RIC1: variants seen among roughly 807,000 people sequenced by gnomAD.
The protein encoded by RIC1 is RIC1 partner of RAB6A GEF complex.
In RIC1, 88 loss-of-function variants were observed where a neutral mutation model predicts 169.0. The ratio of observed to expected loss-of-function variants is 0.52; its 90% CI spans 0.44 to 0.62. The LOEUF (loss-of-function observed/expected upper bound fraction) is 0.62. Ranked by LOEUF, RIC1 falls within the 20% of genes least tolerant of loss-of-function variation. The pLI is 0.00. For synonymous variants in RIC1, 790 were observed against 601.5 expected (o/e 1.31, Z -4.59); for missense variants, 1,877 against 1,725.5 (o/e 1.09, Z -1.56).
intron 3 of RIC1, among the ~76,000 whole-genome samples, chr9:5,707,729 T>A (rs1822681513): frequency 6.6e-6 from 1 of 152,090 alleles, no homozygotes; most frequent in Non-Finnish European, 1.5e-5. Context: ...TGGAATATAT[T>A]TTTCCTTCCT....
At chr9:5,703,160 T>A (rs113200663) in intron 3 of RIC1, among the ~76,000 whole-genome samples, 4 of 152,258 alleles carry the variant, frequency 2.6e-5, no homozygotes, top group African/African-American at 9.6e-5. Context: ...AAAACTAGTC[T>A]CTTCTGCCTA....
chr9:5,714,381 C>T (rs1368908423), intron 4 of RIC1, among the ~76,000 whole-genome samples: 1 of 152,122 alleles, frequency 6.6e-6, no homozygotes, highest in Non-Finnish European at 1.5e-5. Flanking sequence ...AGTTTATATA[C>T]ACTTGGAAGA....
At chr9:5,682,983 C>T (rs554749174) in intron 2 of RIC1, among the ~76,000 whole-genome samples, 1 of 152,302 alleles carries the variant, frequency 6.6e-6, no homozygotes, top group Admixed American at 6.5e-5. Context: ...GCATTCGTCA[C>T]GTAGTTCTCG....
chr9:5,760,006 C>T (rs1826233308), intron 17 of RIC1, among the ~76,000 whole-genome samples: 2 of 152,146 alleles, frequency 1.3e-5, no homozygotes, highest in Non-Finnish European at 2.9e-5. Flanking sequence ...AGAGAAGGTG[C>T]TTAATTTGGC....
At chr9:5,666,296 A>G (rs757158944) in intron 2 of RIC1, among the ~76,000 whole-genome samples, 10 of 151,938 alleles carry the variant, frequency 6.6e-5, no homozygotes, top group African/African-American at 9.7e-5. Context: ...TTTATATCCT[A>G]CGACTTTGCT....
intron 2 of RIC1, among the ~76,000 whole-genome samples, chr9:5,681,606 G>A (rs1230367069): frequency 6.6e-6 from 1 of 152,182 alleles, no homozygotes; most frequent in Non-Finnish European, 1.5e-5. Context: ...TTGCTGAAAA[G>A]AATGTATATT....
At chr9:5,723,800 A>G (rs1028372150) in intron 6 of RIC1, among the ~76,000 whole-genome samples, 20 of 152,188 alleles carry the variant, frequency 1.3e-4, no homozygotes, top group African/African-American at 4.8e-4. Context: ...TACCAGCACC[A>G]TTTATTAAAT....
intron 9 of RIC1, 64 bp from the exon 10 acceptor site, chr9:5,743,625 A>G: frequency 7.8e-7 from 1 of 1,282,238 alleles, no homozygotes; most frequent in Non-Finnish European, 1.1e-6. Flanking sequence ...AAAAAACACT[A>G]AATTTTATGT....
chr9:5,760,442 TGTG>T (rs1191523627), intron 17 of RIC1, among the ~76,000 whole-genome samples: 2 of 152,206 alleles, frequency 1.3e-5, no homozygotes, highest in African/African-American at 2.4e-5. Flanking sequence ...TAGTATGAAA[TGTG>T]GTGAAATCTA....
downstream of RIC1, among the ~76,000 whole-genome samples, chr9:5,778,085 CATGAG>C (rs1324802988): frequency 1.3e-5 from 2 of 152,156 alleles, no homozygotes; most frequent in Non-Finnish European, 2.9e-5. Context: ...AGTCCATGAA[CATGAG>C]ATGTCTTTCC....
intron 2 of RIC1, among the ~76,000 whole-genome samples, chr9:5,679,791 G>C (rs1412193943): frequency 1.3e-5 from 2 of 152,198 alleles, no homozygotes; most frequent in East Asian, 3.8e-4. Context: ...TGCAGACAGG[G>C]ACAATTTGAC....
intron 2 of RIC1, among the ~76,000 whole-genome samples, chr9:5,686,444 G>C (rs1030142237): frequency 2.6e-5 from 4 of 152,100 alleles, no homozygotes; most frequent in African/African-American, 7.2e-5. Context: ...ATAGTATGCA[G>C]CCATAAAAAA....
At chr9:5,758,548 A>G (rs563001794) in intron 17 of RIC1, among the ~76,000 whole-genome samples, 5 of 152,266 alleles carry the variant, frequency 3.3e-5, no homozygotes, top group African/African-American at 1.2e-4. Context: ...TGTAAAAGCT[A>G]GTCCCTCTTC....
intron 6 of RIC1, among the ~76,000 whole-genome samples, chr9:5,721,891 C>CTT (rs1261535327): frequency 3.5e-5 from 5 of 141,238 alleles, no homozygotes; most frequent in Admixed American, 7.1e-5. Context: ...TTTTTGTTTT[C>CTT]TTTTTTTTTT....
At chr9:5,716,678 C>G (rs1823265794) in intron 4 of RIC1, among the ~76,000 whole-genome samples, 1 of 152,216 alleles carries the variant, frequency 6.6e-6, no homozygotes, top group East Asian at 1.9e-4. Flanking sequence ...GAACAGGGTT[C>G]TGACATCGCC....
intron 2 of RIC1, among the ~76,000 whole-genome samples, chr9:5,676,700 T>C (rs551917033): frequency 6.6e-6 from 1 of 152,358 alleles, no homozygotes; most frequent in Non-Finnish European, 1.5e-5. Context: ...ATTGCTCTAC[T>C]GTTTTAAGAA....
chr9:5,727,518 G>T (rs1824072623), intron 6 of RIC1, among the ~76,000 whole-genome samples: 1 of 152,152 alleles, frequency 6.6e-6, no homozygotes, highest in African/African-American at 2.4e-5. Context: ...TGTTATTACT[G>T]ATCGTCTGAA....
Position 5,774,266 on chromosome 9 carries a change from A to AG in RIC1, c.*24dup, listed in dbSNP as rs35275364. ...TCCTAACAGTGAGGTTCCATCACAAAGGGGCAGTATTAATTAGCAGCAGCG... is the reference window on the plus strand; with the variant it reads ...TCCTAACAGTGAGGTTCCATCACAAAGGGGGCAGTATTAATTAGCAGCAGCG... On this transcript the variant is annotated 3_prime_UTR_variant, in exon 26 of 26. Transcript: ENST00000414202. 1 of 1,584,534 alleles carries AG rather than the reference A, an allele frequency of 6.3e-7. No homozygotes were observed. The highest frequency in any genetic ancestry group is 1.3e-5 in the African/African-American group (1 of 74,430).
chr9:5,659,975 C>T (rs911018003), intron 2 of RIC1, among the ~76,000 whole-genome samples: 1 of 152,082 alleles, frequency 6.6e-6, no homozygotes, highest in East Asian at 1.9e-4. Flanking sequence ...ATTAGCTATT[C>T]TTCCAGATGC....
Sources: gnomAD v4.1 joint callset for allele counts (sites outside exome capture counted in the v4.1 genomes callset) on GRCh38, gnomAD v4.1.1 for gene constraint, MANE v1.5 for transcripts, NCBI Gene and HGNC (gene_info 2026-07-23, HGNC 2026-07-21) for gene names.